The following ESYT2 variants were observed in gnomAD, a reference collection of about 807,000 sequenced individuals.
ESYT2 encodes the protein extended synaptotagmin 2.
Under a neutral mutation model 107.2 loss-of-function variants are expected in ESYT2, and 54 were observed. That is an observed-to-expected ratio of 0.50 (90% confidence interval 0.40 to 0.63). The LOEUF is 0.63. Ranked by LOEUF, ESYT2 falls within the 30% of genes least tolerant of loss-of-function variation. The pLI is 0.00. For missense variants in ESYT2, 1,020 were observed against 1,094.5 expected (o/e 0.93, Z 0.96); for synonymous variants, 491 against 434.1 (o/e 1.13, Z -1.63).
intron 3 of ESYT2, among the ~76,000 whole-genome samples, chr7:158,796,639 G>A (rs182796373): frequency 9.8e-5 from 15 of 152,342 alleles, no homozygotes; most frequent in Admixed American, 2.0e-4. Context: ...GTGTTAAAGA[G>A]AAGCCATGAG....
intron 13 of ESYT2, among the ~76,000 whole-genome samples, chr7:158,757,545 C>CG (rs1563630472): frequency 6.6e-6 from 1 of 151,778 alleles, no homozygotes; most frequent in African/African-American, 2.4e-5. Context: ...CCAGAGCTCG[C>CG]GGGACGCCCC....
At chr7:158,751,142 C>A (rs1587388123) in intron 14 of ESYT2, among the ~76,000 whole-genome samples, 1 of 152,068 alleles carries the variant, frequency 6.6e-6, no homozygotes, top group East Asian at 1.9e-4. Context: ...TAATATATAC[C>A]TTTTTGGGGG....
chr7:158,788,143 G>C, intron 5 of ESYT2, 50 bp from the exon 6 acceptor site: 12 of 1,471,724 alleles, frequency 8.2e-6, no homozygotes, highest in Non-Finnish European at 1.0e-5. Flanking sequence ...ATTCTGCAGG[G>C]CCGCTTAACG....
At chr7:158,774,613 C>T (rs1838484238) in intron 6 of ESYT2, among the ~76,000 whole-genome samples, 1 of 152,176 alleles carries the variant, frequency 6.6e-6, no homozygotes, top group South Asian at 2.1e-4. Context: ...CTCCCTGCCA[C>T]AGCAAAATAT....
rs59023207 is a variant in ESYT2 at position 158,827,987 on chromosome 7, G to A, written c.330+1102C>T. 4.8e-3 allele frequency among the ~76,000 whole-genome samples: 731 copies of A among 152,248 alleles called. 46 individuals carry two copies. The East Asian group carries it at 0.12, about 24-fold the overall frequency. On this transcript the variant is annotated intron_variant, in intron 1 of 22. Transcript: ENST00000275418. ...AATATACGAGGTAGAGAACTGCCGG[G>A]TTAAAAATAAAATAATACCATGACT...
chr7:158,748,219 G>T lies in ESYT2; in HGVS notation c.1619C>A (p.Pro540His). Residue 540 changes from proline (P) to histidine (H), a missense_variant, in exon 16 of 23, where the codon CCC (proline) becomes CAC (histidine). Transcript: ENST00000275418. ...EENFTFFIHN[P>H]KRQDLEVEVR... ...CTCAACTTCAAGGTCCTGGCGCTTG[G>T]GATTGTGAATGAAGAAAGTGAAGTT... is the stretch of plus-strand genomic sequence containing the variant. 1 of 1,614,084 alleles carries T rather than the reference G, an allele frequency of 6.2e-7. No homozygotes were observed. The highest frequency in any genetic ancestry group is 8.5e-7 in the Non-Finnish European group (1 of 1,179,996).
chr7:158,735,430 A>C lies in ESYT2; in HGVS notation c.2505+73T>G, dbSNP rs75784629. 5,372 of 1,295,022 alleles carry C rather than the reference A, an allele frequency of 4.1e-3. 259 individuals are homozygous for C. In the East Asian group the frequency reaches 0.1, roughly 25 times the overall value. The allele number at this position is 1,295,022 out of a possible 1,614,324, so 80.2% of individuals were successfully genotyped here. The stretch of plus-strand genomic sequence containing the variant: ...CCTTCCACTTACACAGACATGGTCT[A>C]AACACTGCACTGCAGGTAAATGTTC... On this transcript the variant is annotated intron_variant, in intron 21 of 22. Transcript: ENST00000275418.
Position 158,764,721 on chromosome 7 carries a change from C to T in ESYT2, c.1057G>A (p.Val353Ile). ...TTTGGACTGAGGTTCTCCTTGATGA[C>T]TCTGCTTTGGAAGATTTGGTTGCCA... ...RVGNQIFQSR[V>I]IKENLSPKWN... Residue 353 changes from valine (V) to isoleucine (I), a missense_variant, in exon 9 of 23, where the codon GTC (valine) becomes ATC (isoleucine). Coordinates refer to ENST00000275418, the MANE Select transcript of ESYT2 (RefSeq NM_001367773.1). The T allele has an allele frequency of 1.2e-6, 2 of 1,614,178 alleles. No individual in the cohort carries two copies. Among genetic ancestry groups the T allele is most frequent in the Non-Finnish European group, 1.7e-6 (2 of 1,180,038 alleles).
intron 1 of ESYT2, among the ~76,000 whole-genome samples, chr7:158,813,146 G>A (rs1467498819): frequency 6.6e-6 from 1 of 152,158 alleles, no homozygotes; most frequent in South Asian, 2.1e-4. Flanking sequence ...AACCTAAAAT[G>A]CATATTTCTA....
rs368276478 is a variant in ESYT2 at position 158,762,011 on chromosome 7, C to T, written c.1185-467G>A. On this transcript the variant is annotated intron_variant, in intron 10 of 22. Coordinates refer to ENST00000275418, the MANE Select transcript of ESYT2 (RefSeq NM_001367773.1). ...CCTCACTCGCACAGTGAACGCTAAC[C>T]TCACGTTCCCCCACCCTTGCTCCCA... 2.2e-4 allele frequency among the ~76,000 whole-genome samples: 34 copies of T among 152,274 alleles called. No homozygotes were observed. In the East Asian group the frequency reaches 4.8e-3, roughly 22 times the overall value.
intron 9 of ESYT2, among the ~76,000 whole-genome samples, chr7:158,763,688 AGTCTACC>A (rs1415353567): frequency 6.6e-6 from 1 of 152,142 alleles, no homozygotes; most frequent in Non-Finnish European, 1.5e-5. Context: ...ACACAGTAAC[AGTCTACC>A]GTGCTTGTTT....
Position 158,829,216 on chromosome 7 carries a change from G to A in ESYT2, c.203C>T (p.Ala68Val). The change falls in exon 1 of 23, where the codon GCG becomes GTG. Residue 68 changes from alanine to valine, a missense_variant. Physicochemically the swap from Ala to Val is moderately conservative, Grantham distance 64. Transcript: ENST00000275418. ...GCTGCGGCGACACCAGGCGAGCAGC[G>A]CGAGCGCGAGGAGAACCCAGCTGAA... Reference protein sequence around the residue: ...LSFSWVLLALALLAWCRRSRG... With the variant: ...LSFSWVLLALVLLAWCRRSRG... The A allele has an allele frequency of 6.5e-7, 1 of 1,529,522 alleles. No individual in the cohort carries two copies. The highest frequency in any genetic ancestry group is 8.7e-7 in the Non-Finnish European group (1 of 1,145,912). The allele number at this position is 1,529,522 out of a possible 1,614,324, so 94.7% of individuals were successfully genotyped here. A position where few individuals can be genotyped will look rare whatever the true frequency, so the allele number is the denominator to read the frequency against.
chr7:158,793,342 C>T (rs62480269), intron 4 of ESYT2, among the ~76,000 whole-genome samples: 19,400 of 151,844 alleles, frequency 0.13, 1,395 homozygotes, highest in African/African-American at 0.2. Context: ...AATATGCTGC[C>T]GAATTCAGTT....
intron 16 of ESYT2, among the ~76,000 whole-genome samples, chr7:158,746,731 C>T (rs1837413525): frequency 6.6e-6 from 1 of 152,090 alleles, no homozygotes; most frequent in Admixed American, 6.5e-5. Context: ...AACAACTACA[C>T]AGCCATATTA....
At chr7:158,819,060 T>C (rs1230810414) in intron 1 of ESYT2, among the ~76,000 whole-genome samples, 1 of 152,252 alleles carries the variant, frequency 6.6e-6, no homozygotes, top group Non-Finnish European at 1.5e-5. Context: ...TAAAAATACT[T>C]GTAACTGTTA....
intron 13 of ESYT2, among the ~76,000 whole-genome samples, chr7:158,757,296 AACAG>A (rs1837791383): frequency 1.3e-5 from 2 of 152,246 alleles, no homozygotes; most frequent in Non-Finnish European, 2.9e-5. Flanking sequence ...GCAGTTTCCA[AACAG>A]ACAAAGAAAG....
chr7:158,777,574 T>C (rs1838613358), intron 6 of ESYT2, among the ~76,000 whole-genome samples: 1 of 152,186 alleles, frequency 6.6e-6, no homozygotes, highest in Non-Finnish European at 1.5e-5. Context: ...TGTGCCTCAC[T>C]TCCCCTTCAT....
intron 7 of ESYT2, among the ~76,000 whole-genome samples, chr7:158,772,182 G>A (rs1032419948): frequency 6.6e-6 from 1 of 151,432 alleles, no homozygotes; most frequent in African/African-American, 2.4e-5. Flanking sequence ...CAGGTTTGTT[G>A]CTTGCAACCA....
intron 2 of ESYT2, among the ~76,000 whole-genome samples, chr7:158,798,663 A>G (rs1437454391): frequency 6.6e-6 from 1 of 150,964 alleles, no homozygotes; most frequent in Non-Finnish European, 1.5e-5. Context: ...AAAAAAAAAA[A>G]AAAAAAAAAA....
Sources: gnomAD v4.1 joint callset for allele counts (sites outside exome capture counted in the v4.1 genomes callset) on GRCh38, gnomAD v4.1.1 for gene constraint, MANE v1.5 for transcripts, NCBI Gene and HGNC (gene_info 2026-07-23, HGNC 2026-07-21) for gene names.